Variants in GRID2 observed in about 807,000 individuals in gnomAD.
GRID2 encodes the protein glutamate receptor ionotropic, delta-2.
Under a neutral mutation model 114.8 loss-of-function variants are expected in GRID2, and 33 were observed. The observed-to-expected ratio is 0.29, with a 90% CI of 0.22 to 0.38. GRID2 has a LOEUF of 0.38. Ranked by LOEUF, GRID2 falls within the 10% of genes least tolerant of loss-of-function variation. The pLI is 1.00. For synonymous variants in GRID2, 505 were observed against 449.9 expected, an observed-to-expected ratio of 1.12 and a Z score of -1.55; for missense variants, 1,184 against 1,257.7, an observed-to-expected ratio of 0.94 and a Z score of 0.89.
At chr4:93,487,062 C>T (rs149159946) in intron 11 of GRID2, among the ~76,000 whole-genome samples, 2 of 151,786 alleles carry the variant, frequency 1.3e-5, no homozygotes, top group African/African-American at 4.8e-5. Context: ...TTTTTAGGAA[C>T]TTGTCCATAT....
chr4:93,403,072 A>C (rs1766057405), intron 9 of GRID2, among the ~76,000 whole-genome samples: 1 of 152,106 alleles, frequency 6.6e-6, no homozygotes, highest in Non-Finnish European at 1.5e-5. Context: ...CACAGCAAGG[A>C]GTTGGGAAGA....
intron 2 of GRID2, among the ~76,000 whole-genome samples, chr4:92,878,961 C>T (rs865911156): frequency 6.6e-6 from 1 of 152,068 alleles, no homozygotes; most frequent in Non-Finnish European, 1.5e-5. Flanking sequence ...CGTTTTGCTG[C>T]TCACCAAGCT....
intron 2 of GRID2, among the ~76,000 whole-genome samples, chr4:92,723,969 C>G (rs553345985): frequency 2.1e-4 from 32 of 152,134 alleles, no homozygotes; most frequent in African/African-American, 7.5e-4. Flanking sequence ...GGGACTTTTT[C>G]TTTTTTCCAC....
chr4:93,412,716 T>A (rs1383509773), intron 9 of GRID2, among the ~76,000 whole-genome samples: 1 of 152,092 alleles, frequency 6.6e-6, no homozygotes, highest in African/African-American at 2.4e-5. Context: ...ACCACATGCA[T>A]TAGGTATTTG....
intron 8 of GRID2, among the ~76,000 whole-genome samples, chr4:93,291,821 T>C (rs184725874): frequency 1.3e-5 from 2 of 152,342 alleles, no homozygotes; most frequent in East Asian, 3.9e-4. Context: ...ATATTTATTA[T>C]GTAAACATGA....
At chr4:93,423,441 A>G (rs1187226199) in intron 10 of GRID2, among the ~76,000 whole-genome samples, 4 of 128,724 alleles carry the variant, frequency 3.1e-5, no homozygotes, top group African/African-American at 8.9e-5. Context: ...TCCGCCTCCT[A>G]GGTTCGCGCC....
chr4:92,922,282 C>G (rs1207893638), intron 2 of GRID2, among the ~76,000 whole-genome samples: 1 of 152,136 alleles, frequency 6.6e-6, no homozygotes, highest in Non-Finnish European at 1.5e-5. Flanking sequence ...TTCCCTGACC[C>G]CTTGCGCTTC....
chr4:92,333,834 A>G (rs2110148887), intron 1 of GRID2, among the ~76,000 whole-genome samples: 1 of 152,198 alleles, frequency 6.6e-6, no homozygotes, highest in South Asian at 2.1e-4. Flanking sequence ...GTTTCAAGTG[A>G]TCCTCCTGCC....
chr4:92,729,301 T>C (rs1412740288), intron 2 of GRID2, among the ~76,000 whole-genome samples: 2 of 152,104 alleles, frequency 1.3e-5, no homozygotes, highest in Non-Finnish European at 1.5e-5. Context: ...ACTCCACTTG[T>C]GTCCTCAGAA....
intron 2 of GRID2, among the ~76,000 whole-genome samples, chr4:92,599,734 T>G (rs1729111329): frequency 6.6e-6 from 1 of 151,908 alleles, no homozygotes; most frequent in African/African-American, 2.4e-5. Flanking sequence ...ATATAAAAAA[T>G]ATATATTCCA....
At chr4:92,430,985 CA>C (rs1732412360) in intron 1 of GRID2, among the ~76,000 whole-genome samples, 1 of 152,018 alleles carries the variant, frequency 6.6e-6, no homozygotes, top group Admixed American at 6.6e-5. Flanking sequence ...ATTTGTTTAT[CA>C]GTTCTAATAG....
chr4:93,558,087 A>C (rs1472425638), intron 13 of GRID2, among the ~76,000 whole-genome samples: 1 of 152,132 alleles, frequency 6.6e-6, no homozygotes, highest in Non-Finnish European at 1.5e-5. Context: ...CAGCTAAAGC[A>C]GTGTTTAGAG....
chr4:93,753,679 T>C (rs1426732867), intron 14 of GRID2, among the ~76,000 whole-genome samples: 1 of 152,216 alleles, frequency 6.6e-6, no homozygotes, highest in African/African-American at 2.4e-5. Context: ...GAACTTATCC[T>C]TTTTATGGCT....
At chr4:93,335,690 C>CTTTTT (rs1260109158) in intron 8 of GRID2, among the ~76,000 whole-genome samples, 11 of 106,774 alleles carry the variant, frequency 1.0e-4, no homozygotes, top group African/African-American at 4.4e-4. Context: ...TTTCTTTCTT[C>CTTTTT]TTTCTTTTTT....
At chr4:92,716,231 G>C (rs901950445) in intron 2 of GRID2, among the ~76,000 whole-genome samples, 2 of 152,136 alleles carry the variant, frequency 1.3e-5, no homozygotes, top group Admixed American at 6.6e-5. Flanking sequence ...ATGAAAGTTA[G>C]ATCCTTCCAT....
At chr4:93,149,836 T>C (rs1736582849) in intron 4 of GRID2, among the ~76,000 whole-genome samples, 1 of 151,994 alleles carries the variant, frequency 6.6e-6, no homozygotes, top group Non-Finnish European at 1.5e-5. Context: ...GGTCTCACTA[T>C]GTTGACCAGG....
chr4:93,184,049 G>A (rs1438318094), intron 4 of GRID2, among the ~76,000 whole-genome samples: 1 of 152,174 alleles, frequency 6.6e-6, no homozygotes, highest in Non-Finnish European at 1.5e-5. Context: ...GGATGAGGAA[G>A]TGAAGCCTTC....
chr4:93,198,725 C>T (rs1560975780), intron 4 of GRID2, among the ~76,000 whole-genome samples: 1 of 152,008 alleles, frequency 6.6e-6, no homozygotes, highest in African/African-American at 2.4e-5. Flanking sequence ...CTTTGTCAAA[C>T]AGAGAAACTG....
At chr4:92,819,003 A>AT (rs1741093902) in intron 2 of GRID2, among the ~76,000 whole-genome samples, 2 of 152,092 alleles carry the variant, frequency 1.3e-5, no homozygotes, top group Admixed American at 1.3e-4. Flanking sequence ...CTCACTGTAT[A>AT]TACCTGAATG....
Sources: allele counts gnomAD v4.1 joint callset (sites outside exome capture counted in the v4.1 genomes callset), GRCh38; gene constraint gnomAD v4.1.1; transcripts MANE v1.5; gene names NCBI Gene and HGNC (gene_info 2026-07-23, HGNC 2026-07-21).